The following DMD variants were observed in gnomAD, a reference collection of about 807,000 sequenced individuals.
DMD encodes the protein dystrophin.
Under a neutral mutation model 330.1 loss-of-function variants are expected in DMD, and 63 were observed. The observed-to-expected ratio is 0.19, with a 90% CI of 0.16 to 0.24. The LOEUF (loss-of-function observed/expected upper bound fraction) is 0.24, where lower values mean the gene tolerates loss of function less well. Among genes scored for constraint, DMD ranks in the 10% least tolerant of loss-of-function variants. DMD has a pLI of 1.00. For synonymous variants in DMD, 1,223 were observed against 959.8 expected (o/e 1.27, Z -5.07); for missense variants, 3,344 against 2,684.1 (o/e 1.25, Z -5.43).
chrX:33,113,144 C>T (rs1271551040), intron 1 of DMD, among the ~76,000 whole-genome samples: 1 of 104,514 alleles, frequency 9.6e-6, no homozygotes, highest in Non-Finnish European at 2.0e-5. Context: ...ACCTCTGCCT[C>T]CCAAGTTCAA....
chrX:31,890,704 A>G (rs1282304660), intron 47 of DMD, among the ~76,000 whole-genome samples: 2 of 111,716 alleles, frequency 1.8e-5, no homozygotes, highest in Admixed American at 1.9e-4. Context: ...GATAGTTTCA[A>G]TAATATGACC....
chrX:33,219,659 C>T (rs2052133282), intron 1 of DMD, among the ~76,000 whole-genome samples: 1 of 110,805 alleles, frequency 9.0e-6, no homozygotes, highest in Admixed American at 9.7e-5. Flanking sequence ...ATAATGACTC[C>T]TCACTTTGTG....
chrX:32,456,249 T>C (rs1319638619), intron 25 of DMD, among the ~76,000 whole-genome samples: 1 of 110,921 alleles, frequency 9.0e-6, no homozygotes, highest in Non-Finnish European at 1.9e-5. Flanking sequence ...TTTTAGGTTC[T>C]TTACTTACCT....
At chrX:31,995,506 G>T (rs865949970) in intron 44 of DMD, among the ~76,000 whole-genome samples, 4 of 111,738 alleles carry the variant, frequency 3.6e-5, no homozygotes, top group Admixed American at 1.9e-4. Context: ...ATAATTTATG[G>T]CACATCTTTG....
chrX:32,613,884 T>G (rs1481197315), intron 12 of DMD, among the ~76,000 whole-genome samples: 1 of 111,337 alleles, frequency 9.0e-6, no homozygotes, highest in East Asian at 2.8e-4. Context: ...GAATGTACCT[T>G]TATTTTTTCA....
In DMD at chrX:33,103,029, G is replaced by A. The variant is rs114424071; in HGVS notation, c.32-82829C>T. Among the ~76,000 whole-genome samples, 555 of 111,273 alleles carry A rather than the reference G, an allele frequency of 5.0e-3. 1 individual carries two copies. Among genetic ancestry groups the A allele is most frequent in the African/African-American group, 0.017 (524 of 30,614 alleles). On this transcript the variant is annotated intron_variant, in intron 1 of 78. Coordinates refer to ENST00000357033, the MANE Select transcript of DMD (RefSeq NM_004006.3). ...ACTACTGTGAAATTGTGAGGATGGA[G>A]ATCTGAGCAAAATCAGAGTTCTATT...
chrX:32,760,134 A>G (rs890059851), intron 7 of DMD, among the ~76,000 whole-genome samples: 1 of 111,945 alleles, frequency 8.9e-6, no homozygotes, highest in Non-Finnish European at 1.9e-5. Context: ...AACTATTACT[A>G]TTCCACTGCT....
chrX:32,706,115 C>G (rs1282104194), intron 7 of DMD, among the ~76,000 whole-genome samples: 1 of 104,553 alleles, frequency 9.6e-6, no homozygotes, highest in African/African-American at 3.6e-5. Context: ...TCTCAGCAAA[C>G]TATCACAAGG....
intron 1 of DMD, among the ~76,000 whole-genome samples, chrX:33,082,350 G>A: frequency 8.9e-6 from 1 of 112,052 alleles, no homozygotes; most frequent in Non-Finnish European, 1.9e-5. Flanking sequence ...AACCTCCTAG[G>A]TGCTGCAAAG....
intron 7 of DMD, among the ~76,000 whole-genome samples, chrX:32,788,587 T>C (rs1392923335): frequency 1.8e-5 from 2 of 111,989 alleles, no homozygotes; most frequent in East Asian, 5.6e-4. Flanking sequence ...TCCTTACAAC[T>C]ACACTAACAG....
At chrX:32,078,021 C>A (rs191266674) in intron 44 of DMD, among the ~76,000 whole-genome samples, 6 of 110,861 alleles carry the variant, frequency 5.4e-5, no homozygotes, top group African/African-American at 2.0e-4. Context: ...TCTCTAGCGC[C>A]ATGGCTCTAG....
chrX:32,710,268 G>C (rs2065071804), intron 7 of DMD, among the ~76,000 whole-genome samples: 1 of 109,830 alleles, frequency 9.1e-6, no homozygotes, highest in African/African-American at 3.3e-5. Context: ...AAAAAAAGTA[G>C]AGTCCTTGGT....
chrX:32,583,194 T>G (rs2053850080), intron 13 of DMD, among the ~76,000 whole-genome samples: 1 of 111,952 alleles, frequency 8.9e-6, no homozygotes, highest in Non-Finnish European at 1.9e-5. Flanking sequence ...ATTTTTTCTT[T>G]TACAATATTA....
intron 47 of DMD, among the ~76,000 whole-genome samples, chrX:31,913,244 C>T (rs2094567870): frequency 9.0e-6 from 1 of 111,667 alleles, no homozygotes; most frequent in African/African-American, 3.3e-5. Context: ...TGTTGCATAG[C>T]ATATATAACT....
At position 32,651,803 on chromosome X, in the gene DMD, A is replaced by T. The variant is rs187713538; in HGVS notation, c.961-6651T>A. ...CACAAAAATTTAAAACATAATTTTA[A>T]CAGTTTTTTAAAAACATAAACAGAA... is the stretch of plus-strand genomic sequence containing the variant. On this transcript the variant is annotated intron_variant, in intron 9 of 78. Coordinates refer to ENST00000357033, the MANE Select transcript of DMD (RefSeq NM_004006.3). Among the ~76,000 whole-genome samples, 8 of 112,531 alleles carry T rather than the reference A, an allele frequency of 7.1e-5. No homozygotes were observed. The Admixed American group carries it at 7.5e-4, about 11-fold the overall frequency.
At chrX:32,113,136 A>G (rs2096596015) in intron 44 of DMD, among the ~76,000 whole-genome samples, 1 of 113,013 alleles carries the variant, frequency 8.8e-6, no homozygotes. Context: ...TGACAACAAT[A>G]TGAATAGTTA....
In DMD at chrX:33,050,617, A is replaced by G. The variant is rs113620100; in HGVS notation, c.32-30417T>C. Among the ~76,000 whole-genome samples the G allele has an allele frequency of 1.5e-4, 17 of 111,399 alleles. 1 individual carries two copies. Among genetic ancestry groups the G allele is most frequent in the African/African-American group, 4.6e-4 (14 of 30,703 alleles). On this transcript the variant is annotated intron_variant, in intron 1 of 78. Coordinates refer to ENST00000357033, the MANE Select transcript of DMD (RefSeq NM_004006.3). ...CAACAGCAGAGCCTTAATGATTTCA[A>G]CCTCTAGCCTTCAAGGGCACAGATT...
chrX:32,567,775 A>C (rs1296706050), intron 15 of DMD, among the ~76,000 whole-genome samples: 1 of 112,428 alleles, frequency 8.9e-6, no homozygotes, highest in Non-Finnish European at 1.9e-5. Context: ...TATTTGCATT[A>C]GTACTAGAAC....
chrX:31,681,395 G>A (rs943557025), intron 52 of DMD, among the ~76,000 whole-genome samples: 2 of 112,413 alleles, frequency 1.8e-5, no homozygotes, highest in African/African-American at 3.2e-5. Context: ...GGGATGAGGG[G>A]AGGGAAAAGT....
Sources: gnomAD v4.1 joint callset for allele counts (sites outside exome capture counted in the v4.1 genomes callset) on GRCh38, gnomAD v4.1.1 for gene constraint, MANE v1.5 for transcripts, NCBI Gene and HGNC (gene_info 2026-07-23, HGNC 2026-07-21) for gene names.